TLE1: variants seen among roughly 807,000 people sequenced by gnomAD.
TLE1 encodes the protein TLE family member 1, transcriptional corepressor.
Under a neutral mutation model 89.8 loss-of-function variants are expected in TLE1, and 21 were observed. That is an observed-to-expected ratio of 0.23 (90% CI 0.17 to 0.34). The LOEUF is 0.34. TLE1 is among the 10% of genes least tolerant of loss of function. The probability of loss-of-function intolerance (pLI) is 1.00; values close to 1 mark genes in which losing one functional copy is unlikely to be tolerated. For synonymous variants in TLE1, 447 were observed against 407.6 expected (o/e 1.10, Z -1.16); for missense variants, 795 against 1,031.2 (o/e 0.77, Z 3.14).
chr9:81,638,242 T>C (rs146981408), intron 6 of TLE1, among the ~76,000 whole-genome samples: 2 of 152,328 alleles, frequency 1.3e-5, no homozygotes, highest in Admixed American at 6.5e-5. Flanking sequence ...AAAAGGACAC[T>C]ATCCCTTGCC....
chr9:81,679,123 G>A (rs1255722736), intron 4 of TLE1, among the ~76,000 whole-genome samples: 1 of 152,126 alleles, frequency 6.6e-6, no homozygotes, highest in Non-Finnish European at 1.5e-5. Flanking sequence ...ACTCCAGTCT[G>A]GGTAACAGAT....
chr9:81,675,178 G>A (rs547536068), intron 4 of TLE1, among the ~76,000 whole-genome samples: 3 of 152,126 alleles, frequency 2.0e-5, no homozygotes, highest in Non-Finnish European at 4.4e-5. Flanking sequence ...ATATATGACA[G>A]ATAGATATTA....
intron 14 of TLE1, among the ~76,000 whole-genome samples, chr9:81,605,163 T>C (rs1831471020): frequency 6.6e-6 from 1 of 152,178 alleles, no homozygotes; most frequent in Non-Finnish European, 1.5e-5. Context: ...GAGAATTATT[T>C]GTATAACTTT....
intron 9 of TLE1, among the ~76,000 whole-genome samples, chr9:81,619,906 C>T (rs958695804): frequency 1.3e-5 from 2 of 152,152 alleles, no homozygotes; most frequent in East Asian, 3.9e-4. Context: ...ACTTAGATCA[C>T]TAGAATGCTC....
chr9:81,670,876 A>C (rs1832137852), intron 4 of TLE1, among the ~76,000 whole-genome samples: 2 of 152,086 alleles, frequency 1.3e-5, no homozygotes, highest in African/African-American at 4.8e-5. Context: ...ATTAGTCAAG[A>C]AATAAGGATG....
At chr9:81,592,958 C>T in intron 15 of TLE1, 67 bp downstream of exon 15, 1 of 1,558,074 alleles carries the variant, frequency 6.4e-7, no homozygotes, top group Non-Finnish European at 8.7e-7. Context: ...CCCAGGCCCA[C>T]ACAGCTATTT....
At chr9:81,669,761 T>C (rs988288007) in intron 4 of TLE1, among the ~76,000 whole-genome samples, 3 of 152,206 alleles carry the variant, frequency 2.0e-5, no homozygotes, top group African/African-American at 7.2e-5. Context: ...ATACAAAATA[T>C]TCTTGGGAAC....
intron 13 of TLE1, among the ~76,000 whole-genome samples, chr9:81,611,538 C>T (rs895606102): frequency 2.0e-5 from 3 of 152,218 alleles, no homozygotes; most frequent in Non-Finnish European, 2.9e-5. Context: ...TCCACAAAAA[C>T]ACTAAAACAA....
Position 81,641,511 on chromosome 9 carries a change from A to T in TLE1, c.373-7210T>A, listed in dbSNP as rs148776936. Reference sequence around the variant, plus strand: ...AAATGATGCATGGGCAACCTAAGGAATGGGAGAAAATATTTGCAAACCATA... The same window carrying T: ...AAATGATGCATGGGCAACCTAAGGATTGGGAGAAAATATTTGCAAACCATA... On this transcript the variant is annotated intron_variant, in intron 6 of 19. Coordinates refer to ENST00000376499, the MANE Select transcript of TLE1 (RefSeq NM_005077.5). Among the ~76,000 whole-genome samples the T allele has an allele frequency of 4.6e-5, 7 of 152,340 alleles. No individual in the cohort carries two copies. The East Asian group carries it at 1.3e-3, about 29-fold the overall frequency.
intron 11 of TLE1, among the ~76,000 whole-genome samples, chr9:81,615,081 CAAAAAAAAAAAAAAAAAAAAAAAAAA>C (rs34947337): frequency 6.0e-4 from 15 of 25,086 alleles, no homozygotes; most frequent in African/African-American, 8.2e-4. Context: ...GACTCCATCT[CAAAAAAAAAAAAAAAAAAAAAAAAAA>C]AAAAAAAAAA....
At chr9:81,675,530 T>C (rs1832764164) in intron 4 of TLE1, among the ~76,000 whole-genome samples, 1 of 152,090 alleles carries the variant, frequency 6.6e-6, no homozygotes, top group Non-Finnish European at 1.5e-5. Flanking sequence ...CTCTCTTTTT[T>C]AGTCCAAACC....
At chr9:81,620,617 C>A in intron 8 of TLE1, 60 bp from the exon 9 acceptor site, 1 of 1,570,740 alleles carries the variant, frequency 6.4e-7, no homozygotes, top group Non-Finnish European at 8.6e-7. Context: ...CACATGAAAC[C>A]CAACCTCGAT....
intron 2 of TLE1, 122 bp from the exon 3 acceptor site, chr9:81,686,018 G>GTAAA (rs2133182197): frequency 1.1e-6 from 1 of 951,606 alleles, no homozygotes; most frequent in East Asian, 2.6e-5. Context: ...AACTATCTAG[G>GTAAA]TAAACACCCA....
intron 17 of TLE1, among the ~76,000 whole-genome samples, chr9:81,586,257 T>A (rs1439232164): frequency 1.3e-5 from 2 of 152,182 alleles, no homozygotes; most frequent in Admixed American, 6.5e-5. Flanking sequence ...GACTTTGTGA[T>A]CCACCCGCCT....
Position 81,584,148 on chromosome 9 carries a change from C to T in TLE1, c.*50G>A, listed in dbSNP as rs770732902. On this transcript the variant is annotated 3_prime_UTR_variant, in exon 20 of 20. Transcript: ENST00000376499. ...TACAACTTTTCTATTTCTATAAATT[C>T]GAAACATTTTGGCCCAATTCAACTA... 1.6e-5 allele frequency: 23 copies of T among 1,481,428 alleles called. No homozygotes were observed. The highest frequency in any genetic ancestry group is 1.7e-4 in the Middle Eastern group (1 of 5,772). The allele number at this position is 1,481,428 out of a possible 1,614,324, so 91.8% of individuals were successfully genotyped here. A position where few individuals can be genotyped will look rare whatever the true frequency, so the allele number is the denominator to read the frequency against.
chr9:81,585,086 T>G (rs995492588), intron 18 of TLE1, among the ~76,000 whole-genome samples: 72 of 152,262 alleles, frequency 4.7e-4, no homozygotes, highest in Admixed American at 4.6e-3. Flanking sequence ...TCATCCTCAC[T>G]GTAGAGTAGA....
intron 4 of TLE1, among the ~76,000 whole-genome samples, chr9:81,676,727 A>T (rs1832947851): frequency 6.6e-6 from 1 of 152,148 alleles, no homozygotes; most frequent in Non-Finnish European, 1.5e-5. Context: ...CAAGACCCTG[A>T]AGACAATTTA....
intron 6 of TLE1, among the ~76,000 whole-genome samples, chr9:81,647,033 G>GT (rs933011046): frequency 1.5e-3 from 225 of 149,442 alleles, no homozygotes; most frequent in African/African-American, 4.5e-3. Flanking sequence ...GAATTTCATG[G>GT]TTTTTTTTTT....
chr9:81,612,471 T>G (rs1823843029), intron 12 of TLE1: 1 of 647,898 alleles, frequency 1.5e-6, no homozygotes, highest in South Asian at 6.9e-5. Context: ...AGGTTGTTGC[T>G]TTTTTCCTTT....
Sources: gnomAD v4.1 joint callset for allele counts (sites outside exome capture counted in the v4.1 genomes callset) on GRCh38, gnomAD v4.1.1 for gene constraint, MANE v1.5 for transcripts, NCBI Gene and HGNC (gene_info 2026-07-23, HGNC 2026-07-21) for gene names.